Variants in RPS3A observed in about 807,000 individuals in gnomAD.
RPS3A encodes the protein ribosomal protein S3A.
Under a neutral mutation model 26.4 loss-of-function variants are expected in RPS3A, and 1 was observed. The observed-to-expected ratio is 0.04, with a 90% CI of 0.01 to 0.18. The LOEUF (loss-of-function observed/expected upper bound fraction) is 0.18. Among genes scored for constraint, RPS3A ranks in the 10% least tolerant of loss-of-function variants. The pLI is 1.00. For synonymous variants in RPS3A, 97 were observed against 106.1 expected (o/e 0.91, Z 0.53); for missense variants, 139 against 326.8 (o/e 0.43, Z 4.43).
intron 3 of RPS3A, among the ~76,000 whole-genome samples, chr4:151,101,388 G>A (rs1296092175): frequency 3.3e-5 from 5 of 152,218 alleles, no homozygotes; most frequent in Admixed American, 6.5e-5. Flanking sequence ...TAATAGTGGT[G>A]TATCATCAAA....
intron 1 of RPS3A, chr4:151,099,957 C>T (rs1579554906): frequency 7.5e-6 from 5 of 670,814 alleles, no homozygotes; most frequent in African/African-American, 3.5e-5. Flanking sequence ...CGGCGCGACT[C>T]GGCTGGAATG....
chr4:151,100,076 C>T, intron 1 of RPS3A: 1 of 541,740 alleles, frequency 1.8e-6, no homozygotes, highest in Non-Finnish European at 3.5e-6. Flanking sequence ...CCGTCAATCT[C>T]GCCTTTGCTT....
intron 4 of RPS3A, chr4:151,103,633 G>A (rs1747227940): frequency 9.3e-7 from 1 of 1,075,238 alleles, no homozygotes; most frequent in Non-Finnish European, 1.1e-6. Context: ...TGAGTGGGGT[G>A]GGATGTGCCT....
At chr4:151,101,699 A>C (rs1217151289) in intron 3 of RPS3A, among the ~76,000 whole-genome samples, 1 of 152,152 alleles carries the variant, frequency 6.6e-6, no homozygotes, top group Non-Finnish European at 1.5e-5. Flanking sequence ...AATATTTCAG[A>C]TGTGTCTGGC....
chr4:151,104,439 G>GTTTTTTTCTTT (rs1747274562), intron 5 of RPS3A, 33 bp from the exon 6 acceptor site: 1 of 529,432 alleles, frequency 1.9e-6, no homozygotes, highest in East Asian at 8.4e-5. Flanking sequence ...CAGTTTTTTG[G>GTTTTTTTCTTT]TTTTTTTTTT....
intron 1 of RPS3A, chr4:151,100,093 G>A (rs1747052238): frequency 5.7e-6 from 3 of 522,094 alleles, no homozygotes; most frequent in South Asian, 1.6e-5. Context: ...GCTTGGTCCC[G>A]CTGGAATCTG....
At chr4:151,101,715 A>C (rs943419464) in intron 3 of RPS3A, among the ~76,000 whole-genome samples, 4 of 152,062 alleles carry the variant, frequency 2.6e-5, no homozygotes, top group South Asian at 2.1e-4. Flanking sequence ...CTGGCTAACT[A>C]TCCAGTTGGA....
chr4:151,104,443 T>TTG, intron 5 of RPS3A, 29 bp from the exon 6 acceptor site: 1 of 1,289,090 alleles, frequency 7.8e-7, no homozygotes, highest in African/African-American at 1.6e-5. Flanking sequence ...TTTTTGGTTT[T>TTG]TTTTTTTTTT....
intron 4 of RPS3A, chr4:151,103,282 C>T: frequency 4.7e-6 from 5 of 1,059,398 alleles, no homozygotes; most frequent in Non-Finnish European, 6.3e-6. Flanking sequence ...CAGAGTCTTG[C>T]TCTGTTGCCC....
chr4:151,104,338 TGGA>T (rs1016545678), intron 5 of RPS3A, 52 bp downstream of exon 5: 15 of 1,586,720 alleles, frequency 9.5e-6, no homozygotes, highest in African/African-American at 6.8e-5. Flanking sequence ...TGTTTTTGGG[TGGA>T]GGAGGAGTGT....
At chr4:151,102,585 T>C (rs997541657) in intron 3 of RPS3A, among the ~76,000 whole-genome samples, 2 of 152,084 alleles carry the variant, frequency 1.3e-5, no homozygotes, top group Non-Finnish European at 2.9e-5. Context: ...GTATATGCAA[T>C]GGATGTGGGT....
chr4:151,099,955 C>T (rs1374124707), intron 1 of RPS3A: 1 of 672,236 alleles, frequency 1.5e-6, no homozygotes, highest in African/African-American at 1.8e-5. Context: ...GCCGGCGCGA[C>T]TCGGCTGGAA....
chr4:151,103,642 C>CT, intron 4 of RPS3A: 6 of 1,072,916 alleles, frequency 5.6e-6, no homozygotes, highest in Non-Finnish European at 6.9e-6. Flanking sequence ...TGGGATGTGC[C>CT]TGGAGTCCCA....
In RPS3A at chr4:151,101,177, TC is replaced by T; in HGVS notation, c.354+17del. On this transcript the variant is annotated intron_variant, in intron 3 of 5. Transcript: ENST00000274065. ...AAAAATGGCAGGTGAGACCCAAAGT[TC>T]CTTAGAGTGGTTGTGCTATGGGTGT... is the stretch of plus-strand genomic sequence containing the variant. 1.3e-6 allele frequency: 2 copies of T among 1,576,906 alleles called. No homozygotes were observed. Among genetic ancestry groups the T allele is most frequent in the Non-Finnish European group, 1.7e-6 (2 of 1,150,670 alleles).
At chr4:151,103,957 CTCTACT>C in intron 4 of RPS3A, 1 of 1,519,078 alleles carries the variant, frequency 6.6e-7, no homozygotes, top group Admixed American at 1.9e-5. Context: ...ACTCAGAAGA[CTCTACT>C]AACTTTGCCA....
chr4:151,101,471 T>A (rs1486295959), intron 3 of RPS3A, among the ~76,000 whole-genome samples: 1 of 152,168 alleles, frequency 6.6e-6, no homozygotes, highest in African/African-American at 2.4e-5. Flanking sequence ...GTTTTGCCTG[T>A]CTTAAGGATG....
Position 151,099,674 on chromosome 4 carries a change from C to T in RPS3A, c.22C>T (p.Arg8Cys), listed in dbSNP as rs1232551477. MAVGKNK[R>C]LTKGGKKGAK... Reference sequence around the variant, plus strand: ...CACCATGGCGGTTGGCAAGAACAAGCGCCTTACGAAAGGCGGCAAAAAGGG... The same window carrying T: ...CACCATGGCGGTTGGCAAGAACAAGTGCCTTACGAAAGGCGGCAAAAAGGG... The change falls in exon 1 of 6, where the codon CGC becomes TGC. Residue 8 changes from arginine to cysteine, a missense_variant. By Grantham distance (180) the Arg-to-Cys change is radical. Transcript: ENST00000274065. 7 of 1,613,974 alleles carry T rather than the reference C, an allele frequency of 4.3e-6. No individual in the cohort carries two copies. The highest frequency in any genetic ancestry group is 5.9e-6 in the Non-Finnish European group (7 of 1,179,948).
intron 3 of RPS3A, chr4:151,102,616 G>T: frequency 6.3e-6 from 3 of 473,850 alleles, no homozygotes; most frequent in South Asian, 4.4e-5. Flanking sequence ...TCAAGATAGT[G>T]GTAGTGTTAA....
chr4:151,104,439 G>GTTTTTTTTTATTTT, intron 5 of RPS3A, 33 bp from the exon 6 acceptor site: 1 of 710,330 alleles, frequency 1.4e-6, no homozygotes, highest in South Asian at 2.3e-5. Flanking sequence ...CAGTTTTTTG[G>GTTTTTTTTTATTTT]TTTTTTTTTT....
Sources: allele counts gnomAD v4.1 joint callset (sites outside exome capture counted in the v4.1 genomes callset), GRCh38; gene constraint gnomAD v4.1.1; transcripts MANE v1.5; gene names NCBI Gene and HGNC (gene_info 2026-07-23, HGNC 2026-07-21).